GRM6: variants seen among roughly 807,000 people sequenced by gnomAD.
GRM6 encodes the protein glutamate metabotropic receptor 6.
GRM6 carries 73 observed loss-of-function variants against 78.4 expected under a neutral mutation model. That is an observed-to-expected ratio of 0.93 (90% confidence interval 0.77 to 1.13). GRM6 has a LOEUF of 1.13. Among genes scored for constraint, GRM6 ranks in the 50% most tolerant of loss-of-function variants. The pLI, the probability that GRM6 is intolerant of heterozygous loss-of-function variation, is 0.00. For synonymous variants in GRM6, 580 were observed against 555.0 expected, an observed-to-expected ratio of 1.05 and a Z score of -0.63; for missense variants, 1,251 against 1,256.4, an observed-to-expected ratio of 1.00 and a Z score of 0.07.
In GRM6 at chr5:178,980,943, G is replaced by A. The variant is rs1014089457; in HGVS notation, c.*714C>T. 1.3e-5 allele frequency: 2 copies of A among 152,522 alleles called. No homozygotes were observed. Among genetic ancestry groups the A allele is most frequent in the African/African-American group, 4.8e-5 (2 of 41,442 alleles). 9.4% of individuals were successfully genotyped at this position (152,522 alleles called of 1,614,324 possible). On this transcript the variant is annotated 3_prime_UTR_variant, in exon 11 of 11. Transcript: ENST00000517717. This position sits in a 1 kb window ranked among gnomAD's most constrained non-coding sequence, Gnocchi z 4.3. Reference sequence around the variant, plus strand: ...GCCACCATGCCTGGCCAAGGTTGGGGTGATTTAAGGGAGTACACAGAGGGG... The same window carrying A: ...GCCACCATGCCTGGCCAAGGTTGGGATGATTTAAGGGAGTACACAGAGGGG...
Position 178,981,915 on chromosome 5 carries a change from A to G in GRM6, c.2437-61T>C. ...CCCTGCTCTCCCTGCCCCGCTCCAC[A>G]CAGTCCTCACCACATACTCTGGAGC... On this transcript the variant is annotated intron_variant, in intron 10 of 10. Coordinates refer to ENST00000517717, the MANE Select transcript of GRM6 (RefSeq NM_000843.4). This position sits in a 1 kb window ranked among gnomAD's most constrained non-coding sequence, Gnocchi z 5.1. 1 of 1,001,394 alleles carries G rather than the reference A, an allele frequency of 1.0e-6. No homozygotes were observed. The highest frequency in any genetic ancestry group is 1.6e-6 in the Non-Finnish European group (1 of 621,994). The allele number at this position is 1,001,394 out of a possible 1,614,324, so 62.0% of individuals were successfully genotyped here. A position where few individuals can be genotyped will look rare whatever the true frequency, so the allele number is the denominator to read the frequency against.
At position 178,983,100 on chromosome 5, in the gene GRM6, A is replaced by G. The variant is rs761434137; in HGVS notation, c.2246T>C (p.Leu749Pro). Residue 749 changes from leucine (L) to proline (P), a missense_variant, in exon 10 of 11, where the codon CTG becomes CCG. Physicochemically the swap from Leu to Pro is moderately conservative, Grantham distance 98 (BLOSUM62 -3). Coordinates refer to ENST00000517717, the MANE Select transcript of GRM6 (RefSeq NM_000843.4). ...RGVLKCDMSD[L>P]SLIGCLGYSL... is the part of the protein sequence containing the mutation. ...GTAGCCCAGGCAGCCGATGAGAGACAGATCCGACATGTCGCACTTGAGCAC... is the reference window on the plus strand; with the variant it reads ...GTAGCCCAGGCAGCCGATGAGAGACGGATCCGACATGTCGCACTTGAGCAC... 1.2e-6 allele frequency: 2 copies of G among 1,614,088 alleles called. No individual in the cohort carries two copies. Among genetic ancestry groups the G allele is most frequent in the African/African-American group, 1.3e-5 (1 of 74,952 alleles).
rs1275534360 is a variant in GRM6, at chr5:178,986,219, A to T, written c.2035T>A (p.Phe679Ile). 6.2e-7 allele frequency: 1 copy of T among 1,614,188 alleles called. No homozygotes were observed. Among genetic ancestry groups the T allele is most frequent in the Admixed American group, 1.7e-5 (1 of 60,030 alleles). ...LTKTNRIYRI[F>I]EQGKRSVTPP... is the part of the protein sequence containing the mutation. Reference sequence around the variant, plus strand: ...GTGACCGAGCGCTTGCCCTGCTCAAAGATGCGGTAGATACGGTTGGTCTTG... The same window carrying T: ...GTGACCGAGCGCTTGCCCTGCTCAATGATGCGGTAGATACGGTTGGTCTTG... The change falls in exon 9 of 11, where the codon TTT becomes ATT. Residue 679 changes from phenylalanine to isoleucine, a missense_variant. Physicochemically the swap from Phe to Ile is conservative, Grantham distance 21. Coordinates refer to ENST00000517717, the MANE Select transcript of GRM6 (RefSeq NM_000843.4).
At chr5:178,983,556 T>C (rs748592435) in intron 9 of GRM6, 1 of 495,766 alleles carries the variant, frequency 2.0e-6, no homozygotes, top group Non-Finnish European at 3.9e-6. Context: ...CAATGCCATT[T>C]ACTGCGCCCC....
chr5:178,990,526 G>T (rs990908691), intron 5 of GRM6, 66 bp downstream of exon 5: 4 of 1,272,476 alleles, frequency 3.1e-6, no homozygotes, highest in Non-Finnish European at 4.6e-6. Flanking sequence ...TGCAGAAAAT[G>T]AGCATCCCCA....
rs762610425 is a variant in GRM6 at position 178,989,416 on chromosome 5, G to A, written c.1013-11C>T. ...AGTACTGGTCAAATCCTACAGACAG[G>A]GAAGAAGGGGGAGGGTGGCGCTGAC... is the stretch of plus-strand genomic sequence containing the variant. On this transcript the variant is annotated splice_polypyrimidine_tract_variant and intron_variant, in intron 5 of 10. Coordinates refer to ENST00000517717, the MANE Select transcript of GRM6 (RefSeq NM_000843.4). The A allele has an allele frequency of 3.7e-6, 6 of 1,613,894 alleles. No individual in the cohort carries two copies. In the South Asian group the frequency reaches 6.6e-5, roughly 18 times the overall value.
At chr5:178,985,829 T>A in intron 9 of GRM6, 2 of 535,452 alleles carry the variant, frequency 3.7e-6, no homozygotes, top group African/African-American at 1.9e-5. Flanking sequence ...TGGTGCGATC[T>A]TGGCTCACAG....
intron 2 of GRM6, among the ~76,000 whole-genome samples, chr5:178,994,177 C>A (rs1434202108): frequency 6.6e-6 from 1 of 152,222 alleles, no homozygotes; most frequent in Non-Finnish European, 1.5e-5. Flanking sequence ...CCCTCCCCAG[C>A]CAACCGGCCA....
intron 7 of GRM6, among the ~76,000 whole-genome samples, chr5:178,987,905 A>T (rs71594800): frequency 7.0e-6 from 1 of 143,378 alleles, no homozygotes; most frequent in African/African-American, 2.6e-5. Context: ...GATTATAGGC[A>T]CCCGTCGCCA....
In GRM6 at chr5:178,981,927, A is replaced by G. The variant is rs1441040576; in HGVS notation, c.2437-73T>C. 4 of 938,670 alleles carry G rather than the reference A, an allele frequency of 4.3e-6. No individual in the cohort carries two copies. The highest frequency in any genetic ancestry group is 3.4e-5 in the Admixed American group (2 of 59,188). 58.1% of individuals were successfully genotyped at this position (938,670 alleles called of 1,614,324 possible). A position where few individuals can be genotyped will look rare whatever the true frequency, so the allele number is the denominator to read the frequency against. ...TGCCCCGCTCCACACAGTCCTCACC[A>G]CATACTCTGGAGCTGAGTCTGTTTC... On this transcript the variant is annotated intron_variant, in intron 10 of 10. Coordinates refer to ENST00000517717, the MANE Select transcript of GRM6 (RefSeq NM_000843.4). This position sits in a 1 kb window ranked among gnomAD's most constrained non-coding sequence, Gnocchi z 5.1.
intron 9 of GRM6, chr5:178,985,603 T>A (rs897802166): frequency 5.7e-6 from 2 of 350,150 alleles, no homozygotes; most frequent in African/African-American, 2.2e-5. Context: ...CTCGGGAGGC[T>A]GAGGCAGGAG....
chr5:178,988,686 G>C lies in GRM6; in HGVS notation c.1354+249C>G, dbSNP rs553171982. 1.3e-5 allele frequency among the ~76,000 whole-genome samples: 2 copies of C among 152,264 alleles called. No homozygotes were observed. The highest frequency in any genetic ancestry group is 3.9e-4 in the East Asian group (2 of 5,166). Reference sequence around the variant, plus strand: ...CCCACTGGGGGTTCCTGGCAGAAGGGATCAGAGAAGCTCCCCAGCATCTGA... The same window carrying C: ...CCCACTGGGGGTTCCTGGCAGAAGGCATCAGAGAAGCTCCCCAGCATCTGA... On this transcript the variant is annotated intron_variant, in intron 7 of 10. Transcript: ENST00000517717. The surrounding 1 kb of genome is among the most constrained non-coding windows in gnomAD (Gnocchi z 6.0).
At chr5:178,984,400 T>G (rs1760468532) in intron 9 of GRM6, among the ~76,000 whole-genome samples, 1 of 152,168 alleles carries the variant, frequency 6.6e-6, no homozygotes, top group African/African-American at 2.4e-5. Context: ...TGGTGCTAAG[T>G]GCAGGCGAAT....
In GRM6 at chr5:178,981,876, C is replaced by T. The variant is rs1760402225; in HGVS notation, c.2437-22G>A. ...AGATCTAGGCCATGGAAGAGGGGAC[C>T]AGATGGGACTCAGCCCTGCTCTCCC... On this transcript the variant is annotated intron_variant, in intron 10 of 10. Transcript: ENST00000517717. The surrounding 1 kb of genome is among the most constrained non-coding windows in gnomAD (Gnocchi z 5.1). 1 of 1,473,366 alleles carries T rather than the reference C, an allele frequency of 6.8e-7. No individual in the cohort carries two copies. The highest frequency in any genetic ancestry group is 1.4e-5 in the African/African-American group (1 of 72,352). 91.3% of individuals were successfully genotyped at this position (1,473,366 alleles called of 1,614,324 possible).
chr5:178,993,807 G>A lies in GRM6; in HGVS notation c.504+634C>T, dbSNP rs544594265. On this transcript the variant is annotated intron_variant, in intron 2 of 10. Coordinates refer to ENST00000517717, the MANE Select transcript of GRM6 (RefSeq NM_000843.4). Reference sequence around the variant, plus strand: ...TTCCCTACATTTGAGGACAGAGCAGGGCCAGCCCGGGCACCTGCGCAGGGC... The same window carrying A: ...TTCCCTACATTTGAGGACAGAGCAGAGCCAGCCCGGGCACCTGCGCAGGGC... 4.6e-5 allele frequency among the ~76,000 whole-genome samples: 7 copies of A among 152,298 alleles called. No individual in the cohort carries two copies. The East Asian group carries it at 1.4e-3, about 30-fold the overall frequency.
At position 178,994,622 on chromosome 5, in the gene GRM6, T is replaced by C. The variant is rs2113347833; in HGVS notation, c.323A>G (p.Gln108Arg). 4 of 1,448,526 alleles carry C rather than the reference T, an allele frequency of 2.8e-6. No homozygotes were observed. Among genetic ancestry groups the C allele is most frequent in the Admixed American group, 2.4e-5 (1 of 41,262 alleles). 89.7% of individuals were successfully genotyped at this position (1,448,526 alleles called of 1,614,324 possible). ...CAGCGCCTGCACGAAGCTCAGCGCC[T>C]GCTCCAGCGCGTAGGTGTCCCGCGA... ...TCSRDTYALE[Q>R]ALSFVQALIR... The change falls in exon 2 of 11, where the codon CAG becomes CGG. Residue 108 changes from glutamine (Q) to arginine (R), a missense_variant. Physicochemically the swap from Gln to Arg is conservative, Grantham distance 43 (BLOSUM62 1). Coordinates refer to ENST00000517717, the MANE Select transcript of GRM6 (RefSeq NM_000843.4).
At position 178,991,920 on chromosome 5, in the gene GRM6, C is replaced by T; in HGVS notation, c.668G>A (p.Gly223Asp). Reference protein sequence around the residue: ...WNYVSTLASEGNYGESGVEAF... With the variant: ...WNYVSTLASEDNYGESGVEAF... Reference sequence around the variant, plus strand: ...CTCAACCCCACTTTCGCCATAGTTGCCCTCGGAGGCCAGCGTGGACACATA... The same window carrying T: ...CTCAACCCCACTTTCGCCATAGTTGTCCTCGGAGGCCAGCGTGGACACATA... Residue 223 changes from glycine to aspartate, a missense_variant, in exon 3 of 11, where the codon GGC becomes GAC. By Grantham distance (94) the Gly-to-Asp change is moderately conservative. Transcript: ENST00000517717. This position sits in a 1 kb window ranked among gnomAD's most constrained non-coding sequence, Gnocchi z 5.0. 6.2e-7 allele frequency: 1 copy of T among 1,614,140 alleles called. No homozygotes were observed. The highest frequency in any genetic ancestry group is 8.5e-7 in the Non-Finnish European group (1 of 1,180,024).
chr5:178,986,326 G>A lies in GRM6; in HGVS notation c.1928C>T (p.Ala643Val). ...GGCACAGACCGCGGCCCCAGGCTCA[G>A]CCACCATGAGGAAGGTGATGGCGTA... Reference protein sequence around the residue: ...LIYAITFLMVAEPGAAVCAAR... With the variant: ...LIYAITFLMVVEPGAAVCAAR... The change falls in exon 9 of 11, where the codon GCT becomes GTT. Residue 643 changes from alanine (A) to valine (V), a missense_variant. Transcript: ENST00000517717. 5 of 1,614,124 alleles carry A rather than the reference G, an allele frequency of 3.1e-6. No individual in the cohort carries two copies. The highest frequency in any genetic ancestry group is 4.2e-6 in the Non-Finnish European group (5 of 1,180,016).
rs1760667625 is a variant in GRM6 at position 178,991,337 on chromosome 5, A to G, written c.857+87T>C. The G allele has an allele frequency of 1.6e-6, 2 of 1,237,542 alleles. No individual in the cohort carries two copies. The highest frequency in any genetic ancestry group is 2.4e-6 in the Non-Finnish European group (2 of 842,320). 76.7% of individuals were successfully genotyped at this position (1,237,542 alleles called of 1,614,324 possible). On this transcript the variant is annotated intron_variant, in intron 4 of 10. Transcript: ENST00000517717. This position sits in a 1 kb window ranked among gnomAD's most constrained non-coding sequence, Gnocchi z 5.0. ...GGGAGCAGGGGAAAGGGAGGCAGGG[A>G]GAGTGTGTAAGGTGGCGATGTGCAA...
Sources: gnomAD v4.1 joint callset for allele counts (sites outside exome capture counted in the v4.1 genomes callset) on GRCh38, gnomAD v4.1.1 for gene constraint, Gnocchi (gnomAD v3.1) non-coding constraint, MANE v1.5 for transcripts, NCBI Gene and HGNC (gene_info 2026-07-23, HGNC 2026-07-21) for gene names.